GTF3A: variants seen among roughly 807,000 people sequenced by gnomAD.
GTF3A encodes the protein general transcription factor IIIA.
In GTF3A, 40 loss-of-function variants were observed where a neutral mutation model predicts 37.6. That is an observed-to-expected ratio of 1.06 (90% CI 0.83 to 1.38). The LOEUF (loss-of-function observed/expected upper bound fraction) is 1.38, where lower values mean the gene tolerates loss of function less well. GTF3A is among the 40% of genes most tolerant of loss of function. The probability of loss-of-function intolerance (pLI) is 0.00; values close to 1 mark genes in which losing one functional copy is unlikely to be tolerated. For missense variants in GTF3A, 500 were observed against 462.6 expected, an observed-to-expected ratio of 1.08 and a Z score of -0.74; for synonymous variants, 191 against 166.7, an observed-to-expected ratio of 1.15 and a Z score of -1.12.
At position 27,424,776 on chromosome 13, in the gene GTF3A, C is replaced by T. The variant is rs1416531885; in HGVS notation, c.39C>T (p.Ser13=). The T allele has an allele frequency of 6.5e-7, 1 of 1,539,876 alleles. No homozygotes were observed. Among genetic ancestry groups the T allele is most frequent in the Non-Finnish European group, 8.7e-7 (1 of 1,143,640 alleles). Residue 13 remains serine, a synonymous_variant, in exon 1 of 9, where the codon TCC becomes TCT. Coordinates refer to ENST00000381140, the MANE Select transcript of GTF3A (RefSeq NM_002097.3). Reference sequence around the variant, plus strand: ...CCGTGGTCGCCGAGTCGGTGTCGTCCTTGACCATCGCCGACGCGTTCATTG... The same window carrying T: ...CCGTGGTCGCCGAGTCGGTGTCGTCTTTGACCATCGCCGACGCGTTCATTG...
In GTF3A at chr13:27,435,229, G is replaced by C; in HGVS notation, c.933+37G>C. 1.9e-6 allele frequency: 3 copies of C among 1,539,770 alleles called. No individual in the cohort carries two copies. The South Asian group carries it at 3.5e-5, about 18-fold the overall frequency. ...CTACTTAGGCAAGCTTAGTTTTCAA[G>C]TGGAAATTGTTTAAGGCCAGAAGGA... On this transcript the variant is annotated intron_variant, in intron 8 of 8. Coordinates refer to ENST00000381140, the MANE Select transcript of GTF3A (RefSeq NM_002097.3).
chr13:27,432,910 G>A (rs1265882834), intron 5 of GTF3A, 106 bp downstream of exon 5: 3 of 888,990 alleles, frequency 3.4e-6, no homozygotes, highest in African/African-American at 1.7e-5. Context: ...TGTGAACAGG[G>A]GACACCATCC....
At chr13:27,427,734 C>T (rs1381308588) in intron 2 of GTF3A, among the ~76,000 whole-genome samples, 1 of 151,340 alleles carries the variant, frequency 6.6e-6, no homozygotes, top group African/African-American at 2.4e-5. Flanking sequence ...TGTATTTGTT[C>T]CTATTTGTAA....
rs754297430 is a variant in GTF3A, at chr13:27,435,058, TG to T, written c.873+26del. 2.9e-5 allele frequency: 44 copies of T among 1,539,224 alleles called. No homozygotes were observed. The African/African-American group carries it at 5.2e-4, about 18-fold the overall frequency. On this transcript the variant is annotated intron_variant, in intron 7 of 8. Transcript: ENST00000381140. The stretch of plus-strand genomic sequence containing the variant: ...AAGTAAGCACTCACCCTCATACTCA[TG>T]GTCCTATAGTCTATGCTTTCACAAC...
In GTF3A at chr13:27,424,691, C is replaced by G. The variant is rs1381653159; in HGVS notation, c.-47C>G. ...GCGCGCCGGTTCCCGGCACGTGTCT[C>G]GGCACGTGGCAGCGCGCCTGGCCCT... On this transcript the variant is annotated 5_prime_UTR_variant, in exon 1 of 9. Transcript: ENST00000381140. The G allele has an allele frequency of 7.6e-7, 1 of 1,309,982 alleles. No individual in the cohort carries two copies. The highest frequency in any genetic ancestry group is 1.6e-5 in the African/African-American group (1 of 64,108). 81.1% of individuals were successfully genotyped at this position (1,309,982 alleles called of 1,614,324 possible). A position where few individuals can be genotyped will look rare whatever the true frequency, so the allele number is the denominator to read the frequency against.
At chr13:27,430,726 T>C in intron 4 of GTF3A, 105 bp downstream of exon 4, 1 of 735,248 alleles carries the variant, frequency 1.4e-6, no homozygotes, top group Non-Finnish European at 2.4e-6. Flanking sequence ...GCCATTTGTA[T>C]ATCTTCTGAG....
rs764960049 is a variant in GTF3A at position 27,435,644 on chromosome 13, T to C, written c.*47T>C. 3.1e-6 allele frequency: 5 copies of C among 1,612,334 alleles called. No individual in the cohort carries two copies. In the African/African-American group the frequency reaches 6.7e-5, roughly 22 times the overall value. ...AGGACTGCAGACCAAGGAGCGAGCTTTCTCTCAGAGCATGCTTTTCTTTAT... is the reference window on the plus strand; with the variant it reads ...AGGACTGCAGACCAAGGAGCGAGCTCTCTCTCAGAGCATGCTTTTCTTTAT... On this transcript the variant is annotated 3_prime_UTR_variant, in exon 9 of 9. Transcript: ENST00000381140.
At position 27,429,872 on chromosome 13, in the gene GTF3A, G is replaced by T. The variant is rs768344501; in HGVS notation, c.305G>T (p.Cys102Phe). 5.3e-6 allele frequency: 8 copies of T among 1,510,608 alleles called. No homozygotes were observed. The highest frequency in any genetic ancestry group is 7.1e-6 in the Non-Finnish European group (8 of 1,128,580). 93.6% of individuals were successfully genotyped at this position (1,510,608 alleles called of 1,614,324 possible). A position where few individuals can be genotyped will look rare whatever the true frequency, so the allele number is the denominator to read the frequency against. Residue 102 changes from cysteine (C) to phenylalanine (F), a missense_variant and splice_region_variant, in exon 3 of 9, where the codon TGT (cysteine) becomes TTT (phenylalanine). By Grantham distance (205) the Cys-to-Phe change is radical. Coordinates refer to ENST00000381140, the MANE Select transcript of GTF3A (RefSeq NM_002097.3). ...TTGGTTTATATAACTTCTTACAGTT[G>T]TGCAGCCAATGGCTGTGATCAAAAA...
intron 5 of GTF3A, among the ~76,000 whole-genome samples, chr13:27,433,209 CAAAAA>C (rs35654423): frequency 7.6e-6 from 1 of 130,754 alleles, no homozygotes; most frequent in African/African-American, 2.9e-5. Flanking sequence ...TTACGTTTCT[CAAAAA>C]AAAAAAAAAA....
In GTF3A at chr13:27,424,745, C is replaced by G; in HGVS notation, c.8C>G (p.Pro3Arg). Residue 3 changes from proline (P) to arginine (R), a missense_variant, in exon 1 of 9, where the codon CCG (proline) becomes CGG (arginine). Transcript: ENST00000381140. ...CTTGGAGGCGCCGGCGCCCTGGATC[C>G]GCCGGCCGTGGTCGCCGAGTCGGTG... 1 of 1,469,634 alleles carries G rather than the reference C, an allele frequency of 6.8e-7. No homozygotes were observed. The highest frequency in any genetic ancestry group is 9.0e-7 in the Non-Finnish European group (1 of 1,111,160). The allele number at this position is 1,469,634 out of a possible 1,614,324, so 91.0% of individuals were successfully genotyped here. A position where few individuals can be genotyped will look rare whatever the true frequency, so the allele number is the denominator to read the frequency against.
At chr13:27,433,375 TTA>T (rs946383638) in intron 5 of GTF3A, among the ~76,000 whole-genome samples, 1 of 151,960 alleles carries the variant, frequency 6.6e-6, no homozygotes, top group African/African-American at 2.4e-5. Context: ...CTCATTGTTT[TTA>T]GTTTCTAGTT....
chr13:27,424,897 G>T lies in GTF3A; in HGVS notation c.160G>T (p.Ala54Ser), dbSNP rs1435772089. ...TGACTGCAGCGCCAATTACAGCAAA[G>T]CCTGGAAGCTTGACGCGCACCTGTG... The change falls in exon 1 of 9, where the codon GCC becomes TCC. Residue 54 changes from alanine (A) to serine (S), a missense_variant. Physicochemically the swap from Ala to Ser is moderately conservative, Grantham distance 99 (BLOSUM62 1). Coordinates refer to ENST00000381140, the MANE Select transcript of GTF3A (RefSeq NM_002097.3). 1 of 1,550,070 alleles carries T rather than the reference G, an allele frequency of 6.5e-7. No individual in the cohort carries two copies.
Position 27,427,125 on chromosome 13 carries a change from A to G in GTF3A, c.235A>G (p.Lys79Glu), listed in dbSNP as rs768337336. The change falls in exon 2 of 9, where the codon AAG becomes GAG. Residue 79 changes from lysine (K) to glutamate (E), a missense_variant. Physicochemically the swap from Lys to Glu is moderately conservative, Grantham distance 56. Transcript: ENST00000381140. ...TGTTTGTGACTATGAAGGGTGTGGC[A>G]AGGCCTTCATCAGGGACTACCATCT... 4.4e-6 allele frequency: 7 copies of G among 1,605,520 alleles called. No individual in the cohort carries two copies. In the South Asian group the frequency reaches 7.7e-5, roughly 18 times the overall value.
Position 27,435,608 on chromosome 13 carries a change from G to A in GTF3A, c.*11G>A. On this transcript the variant is annotated 3_prime_UTR_variant, in exon 9 of 9. Coordinates refer to ENST00000381140, the MANE Select transcript of GTF3A (RefSeq NM_002097.3). ...CTTACCCTTGGCTAAGAACTGCACT[G>A]CTTTGTTTAAAGGACTGCAGACCAA... The A allele has an allele frequency of 1.2e-6, 2 of 1,612,420 alleles. No individual in the cohort carries two copies. Among genetic ancestry groups the A allele is most frequent in the Non-Finnish European group, 1.7e-6 (2 of 1,178,582 alleles).
Position 27,424,660 on chromosome 13 carries a change from G to C in GTF3A, c.-78G>C. 3 of 1,099,410 alleles carry C rather than the reference G, an allele frequency of 2.7e-6. No homozygotes were observed. Among genetic ancestry groups the C allele is most frequent in the Non-Finnish European group, 3.6e-6 (3 of 832,188 alleles). 68.1% of individuals were successfully genotyped at this position (1,099,410 alleles called of 1,614,324 possible). A position where few individuals can be genotyped will look rare whatever the true frequency, so the allele number is the denominator to read the frequency against. ...CGCGAAGGTTCAGCAGGGAGCCGTGGGCCGGGCGCGCCGGTTCCCGGCACG... is the reference window on the plus strand; with the variant it reads ...CGCGAAGGTTCAGCAGGGAGCCGTGCGCCGGGCGCGCCGGTTCCCGGCACG... On this transcript the variant is annotated 5_prime_UTR_variant, in exon 1 of 9. Coordinates refer to ENST00000381140, the MANE Select transcript of GTF3A (RefSeq NM_002097.3).
rs571132023 is a variant in GTF3A, at chr13:27,431,679, A to G, written c.489-1052A>G. Among the ~76,000 whole-genome samples the G allele has an allele frequency of 1.1e-4, 17 of 152,288 alleles. No homozygotes were observed. In the East Asian group the frequency reaches 2.1e-3, roughly 19 times the overall value. On this transcript the variant is annotated intron_variant, in intron 4 of 8. Transcript: ENST00000381140. ...GGATGAAAGACTACATATTGGGTAC[A>G]GTGTATGCTGCTTGAGTGATGGTGC...
chr13:27,427,104 T>C lies in GTF3A; in HGVS notation c.214T>C (p.Cys72Arg), dbSNP rs1302241012. 2 of 1,573,398 alleles carry C rather than the reference T, an allele frequency of 1.3e-6. No homozygotes were observed. Among genetic ancestry groups the C allele is most frequent in the South Asian group, 2.2e-5 (2 of 89,840 alleles). The change falls in exon 2 of 9, where the codon TGT (cysteine) becomes CGT (arginine). Residue 72 changes from cysteine to arginine, a missense_variant. Coordinates refer to ENST00000381140, the MANE Select transcript of GTF3A (RefSeq NM_002097.3). ...TTTTTCCTGCTAGAGACCATTTGTT[T>C]GTGACTATGAAGGGTGTGGCAAGGC...
intron 4 of GTF3A, among the ~76,000 whole-genome samples, chr13:27,431,463 G>C (rs1210333450): frequency 1.3e-5 from 2 of 152,142 alleles, no homozygotes; most frequent in Non-Finnish European, 2.9e-5. Flanking sequence ...GCCATAAAAG[G>C]GAACAAAATG....
At chr13:27,426,479 G>A (rs1953606060) in intron 1 of GTF3A, 3 of 152,190 alleles carry the variant, frequency 2.0e-5, no homozygotes, top group Admixed American at 2.0e-4. Context: ...GGTTATTTGG[G>A]GTGTGTGTTT....
Sources: gnomAD v4.1 joint callset for allele counts (sites outside exome capture counted in the v4.1 genomes callset) on GRCh38, gnomAD v4.1.1 for gene constraint, MANE v1.5 for transcripts, NCBI Gene and HGNC (gene_info 2026-07-23, HGNC 2026-07-21) for gene names.